AKR1B15: variants seen among roughly 807,000 people sequenced by gnomAD.
AKR1B15 encodes estradiol 17-beta-dehydrogenase AKR1B15.
Under a neutral mutation model 38.5 loss-of-function variants are expected in AKR1B15, and 49 were observed. The observed-to-expected ratio is 1.27, with a 90% CI of 1.01 to 1.62. AKR1B15 has a LOEUF of 1.62. Ranked by LOEUF, AKR1B15 falls within the 40% of genes most tolerant of loss-of-function variation. The probability of loss-of-function intolerance (pLI) is 0.00; values close to 1 mark genes in which losing one functional copy is unlikely to be tolerated. For missense variants in AKR1B15, 411 were observed against 381.6 expected (o/e 1.08, Z -0.64); for synonymous variants, 137 against 135.5 (o/e 1.01, Z -0.08).
intron 3 of AKR1B15, among the ~76,000 whole-genome samples, chr7:134,567,541 G>C (rs1218671452): frequency 2.2e-5 from 3 of 136,108 alleles, no homozygotes; most frequent in Non-Finnish European, 3.3e-5. Context: ...GCCTCTTGTG[G>C]CTGGTGCTAT....
At chr7:134,571,873 C>T (rs142514271) in intron 6 of AKR1B15, among the ~76,000 whole-genome samples, 192 bp downstream of exon 6, 2 of 152,276 alleles carry the variant, frequency 1.3e-5, no homozygotes, top group Non-Finnish European at 2.9e-5. Context: ...TTCAAGCCTA[C>T]TACTGAGTCT....
rs1422309425 is a variant in AKR1B15 at position 134,579,811 on chromosome 7, C to A, written c.*262C>A. 2.7e-6 allele frequency: 1 copy of A among 372,932 alleles called. No homozygotes were observed. Among genetic ancestry groups the A allele is most frequent in the Non-Finnish European group, 4.8e-6 (1 of 210,430 alleles). The allele number at this position is 372,932 out of a possible 1,614,324, so 23.1% of individuals were successfully genotyped here. ...GATCTGATCAAATGTCTGTTAAGCACCAGAAACTCTGCCAACACTGAGGAT... is the reference window on the plus strand; with the variant it reads ...GATCTGATCAAATGTCTGTTAAGCAACAGAAACTCTGCCAACACTGAGGAT... On this transcript the variant is annotated 3_prime_UTR_variant, in exon 12 of 12. Coordinates refer to ENST00000457545, the MANE Select transcript of AKR1B15 (RefSeq NM_001080538.3).
intron 6 of AKR1B15, 30 bp from the exon 7 acceptor site, chr7:134,575,390 C>T (rs767756439): frequency 1.2e-6 from 2 of 1,612,000 alleles, no homozygotes; most frequent in East Asian, 4.5e-5. Context: ...CCCTCTAGAG[C>T]TGCCCATAAG....
At chr7:134,566,583 GC>G (rs1794540886) in intron 3 of AKR1B15, among the ~76,000 whole-genome samples, 2 of 152,122 alleles carry the variant, frequency 1.3e-5, no homozygotes, top group African/African-American at 4.8e-5. Context: ...TGCCTTCTTT[GC>G]CATTTCCATC....
chr7:134,575,462 G>C lies in AKR1B15; in HGVS notation c.556G>C (p.Gly186Arg), dbSNP rs1445519062. 1 of 1,613,832 alleles carries C rather than the reference G, an allele frequency of 6.2e-7. No homozygotes were observed. Among genetic ancestry groups the C allele is most frequent in the South Asian group, 1.1e-5 (1 of 91,062 alleles). ...LVDEGLVKAL[G>R]VSNFNHFQIE... ...GGACGAGGGGCTGGTGAAAGCCCTT[G>C]GGGTCTCAAATTTCAACCACTTCCA... Residue 186 changes from glycine to arginine, a missense_variant, in exon 7 of 12, where the codon GGG becomes CGG. Transcript: ENST00000457545.
intron 2 of AKR1B15, among the ~76,000 whole-genome samples, chr7:134,561,596 C>A (rs931261448): frequency 6.6e-6 from 1 of 152,212 alleles, no homozygotes; most frequent in Admixed American, 6.5e-5. Flanking sequence ...AAATATCATG[C>A]CAATTGCCTT....
intron 2 of AKR1B15, among the ~76,000 whole-genome samples, chr7:134,562,663 C>T (rs1200360840): frequency 6.6e-6 from 1 of 152,094 alleles, no homozygotes; most frequent in Non-Finnish European, 1.5e-5. Flanking sequence ...TAGAAAATTT[C>T]TCCGAGTCCC....
intron 1 of AKR1B15, among the ~76,000 whole-genome samples, chr7:134,549,831 G>T: frequency 6.6e-6 from 1 of 152,252 alleles, no homozygotes; most frequent in East Asian, 1.9e-4. Flanking sequence ...ATGTCGGATC[G>T]TCGATACTGC....
chr7:134,575,576 G>T (rs979409454), intron 7 of AKR1B15, 34 bp downstream of exon 7: 10 of 1,612,156 alleles, frequency 6.2e-6, no homozygotes, highest in Non-Finnish European at 6.8e-6. Flanking sequence ...TAAGGGTCCT[G>T]CCCTATTACT....
At chr7:134,559,717 T>C (rs1794326075) in intron 2 of AKR1B15, among the ~76,000 whole-genome samples, 1 of 152,054 alleles carries the variant, frequency 6.6e-6, no homozygotes, top group Non-Finnish European at 1.5e-5. Flanking sequence ...AAAAAATGAG[T>C]TTCTTAAAGG....
chr7:134,555,681 C>T (rs1161604927), intron 1 of AKR1B15, among the ~76,000 whole-genome samples: 1 of 152,048 alleles, frequency 6.6e-6, no homozygotes, highest in Non-Finnish European at 1.5e-5. Flanking sequence ...TGTTCCCCGA[C>T]CCTGCCCATA....
intron 2 of AKR1B15, among the ~76,000 whole-genome samples, chr7:134,557,382 C>T (rs1399899649): frequency 6.6e-6 from 1 of 152,222 alleles, no homozygotes; most frequent in Admixed American, 6.5e-5. Flanking sequence ...ATGTGATACC[C>T]TAACTTCTTT....
At chr7:134,578,006 G>T (rs1794802674) in intron 11 of AKR1B15, among the ~76,000 whole-genome samples, 1 of 152,142 alleles carries the variant, frequency 6.6e-6, no homozygotes, top group South Asian at 2.1e-4. Context: ...AGCTAGAATT[G>T]TAAGAGAAGG....
At chr7:134,576,934 T>G in intron 9 of AKR1B15, 29 bp from the exon 10 acceptor site, 1 of 1,592,350 alleles carries the variant, frequency 6.3e-7, no homozygotes, top group Non-Finnish European at 8.6e-7. Flanking sequence ...TGTAGCTGAG[T>G]GGAAACATGA....
chr7:134,565,489 G>A (rs375238865), intron 3 of AKR1B15: 13 of 1,613,536 alleles, frequency 8.1e-6, no homozygotes, highest in African/African-American at 4.0e-5. Flanking sequence ...CCATGGCCAC[G>A]TTTGTGGAGC....
chr7:134,573,624 T>C (rs2117666436), intron 6 of AKR1B15: 1 of 870,074 alleles, frequency 1.1e-6, no homozygotes, highest in African/African-American at 1.8e-5. Context: ...GAAAAAAGTA[T>C]AAAGAAGTCA....
chr7:134,565,265 G>A (rs1159388591), intron 3 of AKR1B15: 22 of 688,986 alleles, frequency 3.2e-5, no homozygotes, highest in East Asian at 2.4e-4. Context: ...TGAAGTCAGC[G>A]ACACCACAAA....
chr7:134,558,890 T>C (rs1238660555), intron 2 of AKR1B15, among the ~76,000 whole-genome samples: 2 of 152,128 alleles, frequency 1.3e-5, no homozygotes, highest in African/African-American at 4.8e-5. Flanking sequence ...CTTGAGACCA[T>C]GTTCTCATCC....
intron 11 of AKR1B15, among the ~76,000 whole-genome samples, chr7:134,578,338 T>A (rs6954930): frequency 6.6e-6 from 1 of 151,920 alleles, no homozygotes; most frequent in African/African-American, 2.4e-5. Context: ...ATGCCATATG[T>A]ATATTTGGGG....
Sources: gnomAD v4.1 joint callset for allele counts (sites outside exome capture counted in the v4.1 genomes callset) on GRCh38, gnomAD v4.1.1 for gene constraint, MANE v1.5 for transcripts, NCBI Gene and HGNC (gene_info 2026-07-23, HGNC 2026-07-21) for gene names.